The following P3H2 variants were observed in gnomAD, a reference collection of about 807,000 sequenced individuals.
The protein encoded by P3H2 is leprecan-like 1.
Under a neutral mutation model 87.0 loss-of-function variants are expected in P3H2, and 80 were observed. The observed-to-expected ratio is 0.92, with a 90% CI of 0.77 to 1.11. P3H2 has a LOEUF of 1.11. Among genes scored for constraint, P3H2 ranks in the 50% least tolerant of loss-of-function variants. The probability of loss-of-function intolerance (pLI) is 0.00; values close to 1 mark genes in which losing one functional copy is unlikely to be tolerated. For missense variants in P3H2, 1,001 were observed against 923.9 expected, an observed-to-expected ratio of 1.08 and a Z score of -1.08; for synonymous variants, 367 against 359.3, an observed-to-expected ratio of 1.02 and a Z score of -0.24.
At chr3:190,060,945 G>T (rs1372042564) in intron 1 of P3H2, among the ~76,000 whole-genome samples, 2 of 151,870 alleles carry the variant, frequency 1.3e-5, no homozygotes, top group African/African-American at 4.8e-5. Flanking sequence ...CAAATTTATG[G>T]GGCACATGTA....
intron 1 of P3H2, among the ~76,000 whole-genome samples, chr3:190,041,656 T>C (rs928657265): frequency 6.6e-6 from 1 of 152,218 alleles, no homozygotes; most frequent in Non-Finnish European, 1.5e-5. Context: ...TGCCCCTCTA[T>C]TAACATGTTA....
chr3:190,104,028 G>A (rs749831755), intron 1 of P3H2, among the ~76,000 whole-genome samples: 14 of 152,088 alleles, frequency 9.2e-5, no homozygotes, highest in Non-Finnish European at 1.5e-4. Context: ...ATGACCTCAA[G>A]TGATCTGCCA....
chr3:189,998,435 T>C (rs1442146286), intron 1 of P3H2, among the ~76,000 whole-genome samples: 1 of 152,208 alleles, frequency 6.6e-6, no homozygotes, highest in East Asian at 1.9e-4. Context: ...TCATGTCCTA[T>C]AAGGCCAAGC....
chr3:189,958,697 C>T (rs1377295269), intron 14 of P3H2, among the ~76,000 whole-genome samples: 1 of 110,412 alleles, frequency 9.1e-6, no homozygotes, highest in Non-Finnish European at 2.1e-5. Flanking sequence ...ACATTGCTCC[C>T]TCTTTTTTTT....
chr3:190,047,267 T>C (rs1463236336), intron 1 of P3H2, among the ~76,000 whole-genome samples: 1 of 152,116 alleles, frequency 6.6e-6, no homozygotes, highest in African/African-American at 2.4e-5. Flanking sequence ...GACAATGATG[T>C]TGGTAGAGAT....
intron 1 of P3H2, among the ~76,000 whole-genome samples, chr3:190,039,080 T>G (rs544713040): frequency 1.8e-4 from 27 of 152,086 alleles, no homozygotes; most frequent in African/African-American, 6.3e-4. Context: ...TCCCAGCTAC[T>G]TGGGAGGTTG....
intron 1 of P3H2, among the ~76,000 whole-genome samples, chr3:190,023,424 A>G (rs1485857969): frequency 6.6e-6 from 1 of 152,170 alleles, no homozygotes; most frequent in African/African-American, 2.4e-5. Context: ...AGCCTCAGGA[A>G]ACTTACAACC....
At chr3:189,983,311 A>G (rs1238026118) in intron 7 of P3H2, 171 bp from the exon 8 acceptor site, 15 of 596,116 alleles carry the variant, frequency 2.5e-5, no homozygotes, top group South Asian at 8.5e-5. Context: ...TAAGTTCTCT[A>G]TTTCCTCGGT....
intron 1 of P3H2, among the ~76,000 whole-genome samples, chr3:190,096,571 T>G (rs2108989031): frequency 6.6e-6 from 1 of 152,324 alleles, no homozygotes; most frequent in Admixed American, 6.5e-5. Context: ...GAAAATGAAC[T>G]AATACATTCA....
upstream of P3H2, among the ~76,000 whole-genome samples, chr3:190,121,273 G>A (rs1712577562): frequency 6.6e-6 from 1 of 151,594 alleles, no homozygotes. Flanking sequence ...GAATCAAACC[G>A]TAGATGCCAT....
chr3:190,027,540 G>C (rs188467028), intron 1 of P3H2, among the ~76,000 whole-genome samples: 1 of 151,834 alleles, frequency 6.6e-6, no homozygotes, highest in East Asian at 2.0e-4. Context: ...ACTATAAAAG[G>C]GCTTGTACAT....
chr3:190,057,829 T>C (rs1300583758), intron 1 of P3H2, among the ~76,000 whole-genome samples: 2 of 152,136 alleles, frequency 1.3e-5, no homozygotes. Context: ...TATTCAGCAG[T>C]AGGAATCTAT....
intron 1 of P3H2, among the ~76,000 whole-genome samples, chr3:190,112,343 T>G (rs1712102134): frequency 6.6e-6 from 1 of 152,208 alleles, no homozygotes; most frequent in Non-Finnish European, 1.5e-5. Context: ...GGCAGAAAGA[T>G]AGAGAGCTGG....
Position 190,120,292 on chromosome 3 carries a change from CG to C in P3H2, c.439del (p.Arg147AlafsTer57). ...VSEDVRSDFQRRVPYNYLQRA... is the reference protein window; with the variant it reads ...VSEDVRSDFQXRVPYNYLQRA... The stretch of plus-strand genomic sequence containing the variant: ...CTGCAGGTAGTTGTAGGGCACTCTG[CG>C]CTGGAAGTCGCTGCGCACATCCTCG... On this transcript the variant is annotated frameshift_variant, in exon 1 of 15. Coordinates refer to ENST00000319332, the MANE Select transcript of P3H2 (RefSeq NM_018192.4). LOFTEE classifies it high-confidence loss of function. 6.2e-7 allele frequency: 1 copy of C among 1,609,666 alleles called. No individual in the cohort carries two copies. Among genetic ancestry groups the C allele is most frequent in the Non-Finnish European group, 8.5e-7 (1 of 1,178,942 alleles).
intron 1 of P3H2, among the ~76,000 whole-genome samples, chr3:189,998,592 T>C (rs887163401): frequency 6.6e-5 from 10 of 152,216 alleles, no homozygotes; most frequent in Admixed American, 2.0e-4. Flanking sequence ...CCATTAGAGC[T>C]TTCTGTGGAC....
chr3:190,096,178 C>T (rs1727580367), intron 1 of P3H2, among the ~76,000 whole-genome samples: 1 of 152,180 alleles, frequency 6.6e-6, no homozygotes, highest in Admixed American at 6.5e-5. Context: ...ATACAACTGC[C>T]ATTTCCTTTA....
At chr3:190,040,417 T>C (rs563080531) in intron 1 of P3H2, among the ~76,000 whole-genome samples, 6 of 152,300 alleles carry the variant, frequency 3.9e-5, no homozygotes, top group Admixed American at 3.9e-4. Context: ...GCAGAATAAC[T>C]TTGGAAAAGC....
intron 13 of P3H2, among the ~76,000 whole-genome samples, chr3:189,970,497 C>T (rs1333997674): frequency 6.6e-6 from 1 of 151,614 alleles, no homozygotes; most frequent in Admixed American, 6.6e-5. Context: ...TAGGAACTGA[C>T]GTTCTTACGT....
In P3H2 at chr3:190,052,687, G is replaced by GTA. The variant is rs754709171; in HGVS notation, c.481-57246_481-57245insTA. Among the ~76,000 whole-genome samples, 176 of 151,224 alleles carry GTA rather than the reference G, an allele frequency of 1.2e-3. 1 individual carries two copies. Among genetic ancestry groups the GTA allele is most frequent in the Middle Eastern group, 3.4e-3 (1 of 290 alleles). On this transcript the variant is annotated intron_variant, in intron 1 of 14. Transcript: ENST00000319332. ...TATATATACATATAAATGTGTGTGT[G>GTA]TGTATATATATATATATATGCATGT... is the stretch of plus-strand genomic sequence containing the variant.
Sources: gnomAD v4.1 joint callset for allele counts (sites outside exome capture counted in the v4.1 genomes callset) on GRCh38, gnomAD v4.1.1 for gene constraint, MANE v1.5 for transcripts, NCBI Gene and HGNC (gene_info 2026-07-23, HGNC 2026-07-21) for gene names.